CAMKMT: variants seen among roughly 807,000 people sequenced by gnomAD.
CAMKMT encodes CaM KMT.
In CAMKMT, 53 loss-of-function variants were observed where a neutral mutation model predicts 48.0. The observed-to-expected ratio is 1.10, with a 90% CI of 0.89 to 1.39. CAMKMT has a LOEUF of 1.39. Among genes scored for constraint, CAMKMT ranks in the 40% most tolerant of loss-of-function variants. CAMKMT has a pLI of 0.00. For synonymous variants in CAMKMT, 165 were observed against 152.3 expected (o/e 1.08, Z -0.61); for missense variants, 428 against 402.7 (o/e 1.06, Z -0.54).
intron 3 of CAMKMT, among the ~76,000 whole-genome samples, chr2:44,609,818 T>C (rs1468039680): frequency 6.6e-6 from 1 of 152,214 alleles, no homozygotes; most frequent in Non-Finnish European, 1.5e-5. Flanking sequence ...TCTTAACGCC[T>C]CCTGCTGAAT....
chr2:44,530,436 A>G (rs961712864), intron 3 of CAMKMT, among the ~76,000 whole-genome samples: 1 of 152,198 alleles, frequency 6.6e-6, no homozygotes, highest in Non-Finnish European at 1.5e-5. Flanking sequence ...TTAGATATTC[A>G]TTTAGCTCTT....
At position 44,372,741 on chromosome 2, in the gene CAMKMT, A is replaced by T; in HGVS notation, c.164A>T (p.Asp55Val). The change falls in exon 2 of 11, where the codon GAT becomes GTT. Residue 55 changes from aspartate to valine, a missense_variant. Coordinates refer to ENST00000378494, the MANE Select transcript of CAMKMT (RefSeq NM_024766.5). ...GTTCTGAAGCAAAAACACCTGGATGATTGCCTGCGACATGTATCTGTAAGA... is the reference window on the plus strand; with the variant it reads ...GTTCTGAAGCAAAAACACCTGGATGTTTGCCTGCGACATGTATCTGTAAGA... The part of the protein sequence containing the change: ...RQVLKQKHLD[D>V]CLRHVSVRRF... 2 of 1,613,222 alleles carry T rather than the reference A, an allele frequency of 1.2e-6. No homozygotes were observed. The highest frequency in any genetic ancestry group is 8.5e-7 in the Non-Finnish European group (1 of 1,179,740).
chr2:44,664,463 G>A (rs1480723586), intron 3 of CAMKMT, among the ~76,000 whole-genome samples: 1 of 152,188 alleles, frequency 6.6e-6, no homozygotes, highest in Non-Finnish European at 1.5e-5. Context: ...GCTCAGTGCT[G>A]GGTATAGAAT....
At chr2:44,415,548 T>C (rs1279850453) in intron 3 of CAMKMT, among the ~76,000 whole-genome samples, 1 of 152,238 alleles carries the variant, frequency 6.6e-6, no homozygotes, top group Non-Finnish European at 1.5e-5. Context: ...TTGAGTCTTT[T>C]TCTTGGCCTT....
At chr2:44,692,965 G>A (rs1240671608) in intron 3 of CAMKMT, among the ~76,000 whole-genome samples, 5 of 151,990 alleles carry the variant, frequency 3.3e-5, no homozygotes, top group East Asian at 1.9e-4. Flanking sequence ...TACATCATCC[G>A]CCCACTTATT....
chr2:44,601,922 A>G (rs549608093), intron 3 of CAMKMT, among the ~76,000 whole-genome samples: 2 of 152,098 alleles, frequency 1.3e-5, no homozygotes, highest in Non-Finnish European at 2.9e-5. Flanking sequence ...TTTTTTCTCT[A>G]TATCTGTACT....
At chr2:44,709,462 A>G (rs528545912) in intron 6 of CAMKMT, among the ~76,000 whole-genome samples, 2 of 152,120 alleles carry the variant, frequency 1.3e-5, no homozygotes, top group South Asian at 2.1e-4. Flanking sequence ...AACCAGATCT[A>G]ATTTTTTTTA....
At chr2:44,394,961 C>G (rs568195452) in intron 3 of CAMKMT, 9 of 454,222 alleles carry the variant, frequency 2.0e-5, no homozygotes, top group Non-Finnish European at 4.0e-5. Flanking sequence ...GAATTTGAGG[C>G]AAGCCTGGGC....
At chr2:44,623,623 A>C (rs192959550) in intron 3 of CAMKMT, among the ~76,000 whole-genome samples, 2 of 152,260 alleles carry the variant, frequency 1.3e-5, no homozygotes, top group African/African-American at 4.8e-5. Context: ...TTTGTTGAAA[A>C]TCAGATGGTT....
chr2:44,528,721 G>T (rs1239541124), intron 3 of CAMKMT, among the ~76,000 whole-genome samples: 2 of 151,918 alleles, frequency 1.3e-5, no homozygotes, highest in Non-Finnish European at 2.9e-5. Context: ...CTTCTCCCTT[G>T]CTTCTTCTTT....
chr2:44,656,209 G>T (rs1327900395), intron 3 of CAMKMT, among the ~76,000 whole-genome samples: 1 of 152,188 alleles, frequency 6.6e-6, no homozygotes, highest in East Asian at 1.9e-4. Flanking sequence ...GAAAGTAAGG[G>T]AATGTTATTT....
chr2:44,386,573 T>C (rs1249449128), intron 2 of CAMKMT, among the ~76,000 whole-genome samples: 1 of 152,118 alleles, frequency 6.6e-6, no homozygotes, highest in Non-Finnish European at 1.5e-5. Flanking sequence ...TTTGGTTTGT[T>C]CTTGTTTCTC....
chr2:44,497,404 A>T (rs1194893577), intron 3 of CAMKMT, among the ~76,000 whole-genome samples: 1 of 152,184 alleles, frequency 6.6e-6, no homozygotes, highest in Non-Finnish European at 1.5e-5. Flanking sequence ...ACATTTCAGT[A>T]TGTGTAGTGG....
chr2:44,756,255 T>C (rs1680374616), intron 9 of CAMKMT, among the ~76,000 whole-genome samples: 1 of 152,244 alleles, frequency 6.6e-6, no homozygotes, highest in Non-Finnish European at 1.5e-5. Flanking sequence ...AGTAGAAAAC[T>C]GGACTTTTCT....
intron 3 of CAMKMT, among the ~76,000 whole-genome samples, chr2:44,642,534 G>A (rs550190236): frequency 7.9e-5 from 12 of 152,200 alleles, no homozygotes; most frequent in Non-Finnish European, 1.8e-4. Context: ...TTGAAAAGAA[G>A]ACTGGTTGTC....
At chr2:44,423,741 G>T (rs1017475817) in intron 3 of CAMKMT, among the ~76,000 whole-genome samples, 4 of 152,110 alleles carry the variant, frequency 2.6e-5, no homozygotes, top group African/African-American at 9.7e-5. Flanking sequence ...TAAAATCAAA[G>T]TAAAATATAC....
At chr2:44,637,996 C>A (rs1162233878) in intron 3 of CAMKMT, among the ~76,000 whole-genome samples, 1 of 144,144 alleles carries the variant, frequency 6.9e-6, no homozygotes, top group Admixed American at 7.5e-5. Context: ...ACTCGGGAGG[C>A]AGAGGTTGCA....
Position 44,402,811 on chromosome 2 carries a change from C to T in CAMKMT, c.376+12506C>T, listed in dbSNP as rs1236761803. ...GTTGAGTTTTTTATTTCTATTTTTA[C>T]GCTTTTTAATGTCCAAAAGTTCTTT... is the stretch of plus-strand genomic sequence containing the variant. On this transcript the variant is annotated intron_variant, in intron 3 of 10. Transcript: ENST00000378494. Among the ~76,000 whole-genome samples, 11 of 111,022 alleles carry T rather than the reference C, an allele frequency of 9.9e-5. 1 individual carries two copies. Among genetic ancestry groups the T allele is most frequent in the South Asian group, 3.2e-4 (1 of 3,144 alleles). 72.8% of individuals were successfully genotyped at this position (111,022 alleles called of 152,430 possible). A position where few individuals can be genotyped will look rare whatever the true frequency, so the allele number is the denominator to read the frequency against.
chr2:44,555,177 G>A (rs1667940659), intron 3 of CAMKMT, among the ~76,000 whole-genome samples: 1 of 152,154 alleles, frequency 6.6e-6, no homozygotes, highest in South Asian at 2.1e-4. Flanking sequence ...ATTCATTCAG[G>A]TTCATATTTT....
Sources: allele counts gnomAD v4.1 joint callset (sites outside exome capture counted in the v4.1 genomes callset), GRCh38; gene constraint gnomAD v4.1.1; transcripts MANE v1.5; gene names NCBI Gene and HGNC (gene_info 2026-07-23, HGNC 2026-07-21).